The following PPM1L variants were observed in gnomAD, a reference collection of about 807,000 sequenced individuals.
The protein encoded by PPM1L is protein phosphatase, Mg2+/Mn2+ dependent 1L.
In PPM1L, 13 loss-of-function variants were observed where a neutral mutation model predicts 31.4. That is an observed-to-expected ratio of 0.41 (90% CI 0.27 to 0.66). PPM1L has a LOEUF of 0.66. Among genes scored for constraint, PPM1L ranks in the 30% least tolerant of loss-of-function variants. The pLI is 0.29. For synonymous variants in PPM1L, 184 were observed against 175.4 expected (o/e 1.05, Z -0.39); for missense variants, 326 against 453.7 (o/e 0.72, Z 2.56).
chr3:160,930,162 T>C (rs1025240339), intron 1 of PPM1L, among the ~76,000 whole-genome samples: 8 of 152,144 alleles, frequency 5.3e-5, no homozygotes, highest in Non-Finnish European at 4.4e-5. Flanking sequence ...GGTCGCAAAG[T>C]GTTTCTTTTA....
chr3:160,819,779 GGA>G (rs1713138243), intron 1 of PPM1L, among the ~76,000 whole-genome samples: 1 of 151,938 alleles, frequency 6.6e-6, no homozygotes, highest in East Asian at 1.9e-4. Context: ...ATGGGGGAAG[GGA>G]GAGTAGCCTG....
intron 1 of PPM1L, among the ~76,000 whole-genome samples, chr3:160,883,794 A>G (rs897249837): frequency 2.6e-5 from 4 of 150,968 alleles, no homozygotes; most frequent in African/African-American, 4.9e-5. Context: ...GATCTTAGAC[A>G]AGTTGCTCCA....
chr3:161,004,727 CTCTT>C (rs1412576587), intron 2 of PPM1L, among the ~76,000 whole-genome samples: 6 of 148,786 alleles, frequency 4.0e-5, no homozygotes, highest in African/African-American at 1.5e-4. Context: ...TGATTCTTCT[CTCTT>C]TTTTTCTTTA....
At chr3:160,898,140 AC>A (rs1370342164) in intron 1 of PPM1L, among the ~76,000 whole-genome samples, 1 of 152,218 alleles carries the variant, frequency 6.6e-6, no homozygotes, top group Non-Finnish European at 1.5e-5. Flanking sequence ...TATTCACTTC[AC>A]ACTCATTCCT....
At chr3:161,068,778 G>A in intron 3 of PPM1L, 33 bp from the exon 4 acceptor site, 2 of 1,552,936 alleles carry the variant, frequency 1.3e-6, no homozygotes, top group Non-Finnish European at 1.8e-6. Context: ...GATATCAGCT[G>A]GTCAAACTAA....
intron 1 of PPM1L, among the ~76,000 whole-genome samples, chr3:160,903,000 A>T (rs60030122): frequency 0.046 from 6,934 of 152,132 alleles, 491 homozygotes; most frequent in African/African-American, 0.15. Context: ...CTACCTATAA[A>T]CTGACTTGTG....
chr3:160,889,042 A>G (rs1713035850), intron 1 of PPM1L, among the ~76,000 whole-genome samples: 1 of 152,226 alleles, frequency 6.6e-6, no homozygotes, highest in Non-Finnish European at 1.5e-5. Context: ...TGCCCACATC[A>G]GAAAGCTAGA....
chr3:160,840,293 G>A (rs912466924), intron 1 of PPM1L, among the ~76,000 whole-genome samples: 1 of 152,090 alleles, frequency 6.6e-6, no homozygotes. Context: ...TGGGAAATTT[G>A]TGCTGAACCC....
intron 1 of PPM1L, among the ~76,000 whole-genome samples, chr3:160,783,917 A>G (rs1212660759): frequency 6.6e-6 from 1 of 152,226 alleles, no homozygotes; most frequent in African/African-American, 2.4e-5. Flanking sequence ...CTCTAGTAGT[A>G]AGATTTTTGA....
At chr3:160,904,944 C>T (rs1365420090) in intron 1 of PPM1L, among the ~76,000 whole-genome samples, 2 of 152,104 alleles carry the variant, frequency 1.3e-5, no homozygotes, top group African/African-American at 2.4e-5. Flanking sequence ...TTGTGAGCCT[C>T]TTGCCATGCT....
intron 2 of PPM1L, among the ~76,000 whole-genome samples, chr3:161,057,391 C>T (rs1402820687): frequency 3.9e-5 from 6 of 152,032 alleles, no homozygotes; most frequent in African/African-American, 1.4e-4. Flanking sequence ...CTTTGAGAAT[C>T]GAGTGCCAGA....
intron 2 of PPM1L, among the ~76,000 whole-genome samples, chr3:160,966,306 A>T (rs910616663): frequency 1.3e-5 from 2 of 152,170 alleles, no homozygotes; most frequent in African/African-American, 4.8e-5. Context: ...GAACAGAAAT[A>T]TGTAGAACAG....
chr3:160,979,422 C>G (rs1716721427), intron 2 of PPM1L, among the ~76,000 whole-genome samples: 1 of 152,002 alleles, frequency 6.6e-6, no homozygotes, highest in African/African-American at 2.4e-5. Flanking sequence ...GGGCACAACT[C>G]TAGGATATGG....
At chr3:161,061,774 A>C (rs7429731) in intron 2 of PPM1L, among the ~76,000 whole-genome samples, 35,619 of 152,066 alleles carry the variant, frequency 0.23, 4,559 homozygotes, top group African/African-American at 0.32. Flanking sequence ...AGAACCAATC[A>C]CCAGCAGATC....
At chr3:160,904,764 GAGAGAT>G (rs1713684748) in intron 1 of PPM1L, among the ~76,000 whole-genome samples, 1 of 151,938 alleles carries the variant, frequency 6.6e-6, no homozygotes, top group South Asian at 2.1e-4. Flanking sequence ...GTGAAGGAAG[GAGAGAT>G]AGAGAGAGAG....
At chr3:160,832,866 C>G (rs972937793) in intron 1 of PPM1L, among the ~76,000 whole-genome samples, 1 of 152,080 alleles carries the variant, frequency 6.6e-6, no homozygotes, top group African/African-American at 2.4e-5. Flanking sequence ...AACCCATCCC[C>G]TAGATATTAA....
intron 1 of PPM1L, among the ~76,000 whole-genome samples, chr3:160,817,911 G>A (rs1713044524): frequency 6.6e-6 from 1 of 151,988 alleles, no homozygotes; most frequent in Non-Finnish European, 1.5e-5. Flanking sequence ...TAGAGACAGG[G>A]ATTGGAACCA....
intron 2 of PPM1L, among the ~76,000 whole-genome samples, chr3:161,006,537 T>G (rs1199912182): frequency 6.6e-6 from 1 of 152,204 alleles, no homozygotes; most frequent in African/African-American, 2.4e-5. Flanking sequence ...AAGTTTTTTT[T>G]AAAGTAAACT....
chr3:161,024,264 C>CA (rs34662106), intron 2 of PPM1L, among the ~76,000 whole-genome samples: 39,607 of 92,176 alleles, frequency 0.43, 6,482 homozygotes, highest in East Asian at 0.66. Context: ...GACTCCGTCT[C>CA]AAAAAAAAAA....
Sources: gnomAD v4.1 joint callset for allele counts (sites outside exome capture counted in the v4.1 genomes callset) on GRCh38, gnomAD v4.1.1 for gene constraint, MANE v1.5 for transcripts, NCBI Gene and HGNC (gene_info 2026-07-23, HGNC 2026-07-21) for gene names.